GOLGA4: variants seen among roughly 807,000 people sequenced by gnomAD.
GOLGA4 encodes the protein golgin subfamily A member 4.
Under a neutral mutation model 265.9 loss-of-function variants are expected in GOLGA4, and 169 were observed. The observed-to-expected ratio is 0.64, with a 90% CI of 0.56 to 0.72. The LOEUF (loss-of-function observed/expected upper bound fraction) is 0.72, where lower values mean the gene tolerates loss of function less well. Ranked by LOEUF, GOLGA4 falls within the 30% of genes least tolerant of loss-of-function variation. The pLI, the probability that GOLGA4 is intolerant of heterozygous loss-of-function variation, is 0.00. For synonymous variants in GOLGA4, 923 were observed against 855.8 expected, an observed-to-expected ratio of 1.08 and a Z score of -1.37; for missense variants, 2,482 against 2,483.4, an observed-to-expected ratio of 1.00 and a Z score of 0.01.
At chr3:37,289,412 C>A (rs2096859140) in intron 5 of GOLGA4, 121 bp downstream of exon 5, 2 of 597,948 alleles carry the variant, frequency 3.3e-6, no homozygotes, top group Non-Finnish European at 5.9e-6. Context: ...CTAACCAGTC[C>A]AGCCTACAAG....
Position 37,243,513 on chromosome 3 carries a change from G to A in GOLGA4, c.-38G>A. 6.3e-7 allele frequency: 1 copy of A among 1,597,038 alleles called. No homozygotes were observed. The highest frequency in any genetic ancestry group is 1.1e-5 in the South Asian group (1 of 90,740). On this transcript the variant is annotated 5_prime_UTR_variant, in exon 1 of 24. Transcript: ENST00000361924. The stretch of plus-strand genomic sequence containing the variant: ...GGACTCCCCGGGCTCTCGCCCTTCA[G>A]GTTTCGTTGACACTCAGGACCGTAC...
Position 37,289,300 on chromosome 3 carries a change from C to A in GOLGA4, c.582+9C>A. 1 of 1,493,662 alleles carries A rather than the reference C, an allele frequency of 6.7e-7. No individual in the cohort carries two copies. The allele number at this position is 1,493,662 out of a possible 1,614,324, so 92.5% of individuals were successfully genotyped here. A position where few individuals can be genotyped will look rare whatever the true frequency, so the allele number is the denominator to read the frequency against. On this transcript the variant is annotated intron_variant, in intron 5 of 23. Transcript: ENST00000361924. ...TAGCAGAATTAAGAGAGGTAAGTTT[C>A]AGTGATGAGTACTTTGAAAATAGTA...
At chr3:37,295,906 C>G (rs888533949) in intron 6 of GOLGA4, among the ~76,000 whole-genome samples, 181 bp from the exon 7 acceptor site, 4 of 152,096 alleles carry the variant, frequency 2.6e-5, no homozygotes, top group Admixed American at 2.6e-4. Flanking sequence ...TTAAATTATA[C>G]TGGAGGATGT....
chr3:37,266,050 T>G (rs1190735591), intron 2 of GOLGA4, among the ~76,000 whole-genome samples: 2 of 150,988 alleles, frequency 1.3e-5, no homozygotes, highest in Non-Finnish European at 2.9e-5. Flanking sequence ...AAAAAAAAAT[T>G]TTAACGTTAT....
At chr3:37,260,438 A>G (rs1311467074) in intron 2 of GOLGA4, among the ~76,000 whole-genome samples, 2 of 152,016 alleles carry the variant, frequency 1.3e-5, no homozygotes, top group African/African-American at 4.8e-5. Flanking sequence ...CCTGGCCAAC[A>G]TGGTGAAACC....
intron 1 of GOLGA4, among the ~76,000 whole-genome samples, chr3:37,248,331 C>T (rs336597): frequency 0.85 from 130,025 of 152,210 alleles, 56,219 homozygotes; most frequent in African/African-American, 0.97. Flanking sequence ...AATAATTAGG[C>T]AGTGGGCAAT....
intron 20 of GOLGA4, among the ~76,000 whole-genome samples, chr3:37,343,175 G>T (rs750612066): frequency 6.6e-6 from 1 of 152,152 alleles, no homozygotes; most frequent in Non-Finnish European, 1.5e-5. Flanking sequence ...ATGCTGGAGC[G>T]CAATGGCGCG....
At chr3:37,270,054 T>C (rs1266555944) in intron 2 of GOLGA4, among the ~76,000 whole-genome samples, 1 of 151,476 alleles carries the variant, frequency 6.6e-6, no homozygotes, top group Non-Finnish European at 1.5e-5. Context: ...CCACCATGCC[T>C]GGCTAACTTT....
At chr3:37,293,273 C>T (rs1251149751) in intron 5 of GOLGA4, among the ~76,000 whole-genome samples, 1 of 152,064 alleles carries the variant, frequency 6.6e-6, no homozygotes, top group Admixed American at 6.6e-5. Flanking sequence ...AATTTTTAAA[C>T]TTCCTTAAAA....
chr3:37,298,497 C>A (rs147495347), intron 7 of GOLGA4, among the ~76,000 whole-genome samples: 1 of 152,272 alleles, frequency 6.6e-6, no homozygotes, highest in East Asian at 1.9e-4. Flanking sequence ...TAGTGGTGGT[C>A]AGAATCTTGT....
intron 23 of GOLGA4, among the ~76,000 whole-genome samples, chr3:37,361,891 A>G (rs1262069214): frequency 6.6e-6 from 1 of 152,260 alleles, no homozygotes; most frequent in Non-Finnish European, 1.5e-5. Flanking sequence ...TTCCTGATTA[A>G]CATATTACAG....
intron 5 of GOLGA4, among the ~76,000 whole-genome samples, chr3:37,290,207 G>A (rs2096861240): frequency 3.3e-5 from 5 of 152,092 alleles, no homozygotes; most frequent in Admixed American, 2.6e-4. Flanking sequence ...ATTGTGGGAG[G>A]AGGCAAAGAA....
chr3:37,254,972 G>T lies in GOLGA4; in HGVS notation c.162+3488G>T, dbSNP rs192986485. 2.0e-3 allele frequency among the ~76,000 whole-genome samples: 304 copies of T among 149,218 alleles called. 1 individual carries two copies. The highest frequency in any genetic ancestry group is 7.2e-3 in the African/African-American group (293 of 40,800). ...CTATTATCTAGAAATCCCATTTCTAGAAATCTGTCCTATAGAACAATAGCA... is the reference window on the plus strand; with the variant it reads ...CTATTATCTAGAAATCCCATTTCTATAAATCTGTCCTATAGAACAATAGCA... On this transcript the variant is annotated intron_variant, in intron 2 of 23. Coordinates refer to ENST00000361924, the MANE Select transcript of GOLGA4 (RefSeq NM_002078.5).
intron 23 of GOLGA4, among the ~76,000 whole-genome samples, chr3:37,365,788 G>A (rs1413573413): frequency 6.7e-6 from 1 of 149,710 alleles, no homozygotes; most frequent in Non-Finnish European, 1.5e-5. Flanking sequence ...TTAGTGTTTA[G>A]ACAATTTCTA....
chr3:37,275,017 G>A (rs1034654356), intron 2 of GOLGA4, among the ~76,000 whole-genome samples: 13 of 151,496 alleles, frequency 8.6e-5, no homozygotes, highest in African/African-American at 3.2e-4. Context: ...TTCGAGACCA[G>A]CCTAACCAAC....
At chr3:37,274,998 G>C (rs2150735158) in intron 2 of GOLGA4, among the ~76,000 whole-genome samples, 1 of 151,878 alleles carries the variant, frequency 6.6e-6, no homozygotes, top group Non-Finnish European at 1.5e-5. Flanking sequence ...TGGATCACAA[G>C]GTGAGGGGTT....
chr3:37,331,175 A>G (rs1047180799), intron 16 of GOLGA4, among the ~76,000 whole-genome samples: 4 of 152,216 alleles, frequency 2.6e-5, no homozygotes, highest in African/African-American at 7.2e-5. Context: ...CCAAAATACT[A>G]TCATTTCAAC....
At chr3:37,355,039 A>C (rs1293718953) in intron 21 of GOLGA4, 62 bp from the exon 22 acceptor site, 1 of 936,722 alleles carries the variant, frequency 1.1e-6, no homozygotes, top group Non-Finnish European at 1.8e-6. Flanking sequence ...AACATGTCAG[A>C]ATGGGTTGAG....
intron 2 of GOLGA4, among the ~76,000 whole-genome samples, chr3:37,255,758 T>G (rs1293882616): frequency 6.6e-6 from 1 of 151,928 alleles, no homozygotes; most frequent in African/African-American, 2.4e-5. Context: ...AGCATTTTTT[T>G]TTTTTGTTTT....
Sources: gnomAD v4.1 joint callset for allele counts (sites outside exome capture counted in the v4.1 genomes callset) on GRCh38, gnomAD v4.1.1 for gene constraint, MANE v1.5 for transcripts, NCBI Gene and HGNC (gene_info 2026-07-23, HGNC 2026-07-21) for gene names.